TLL1: variants seen among roughly 807,000 people sequenced by gnomAD.
TLL1 encodes tolloid like 1, also known as tolloid-like protein 1.
In TLL1, 49 loss-of-function variants were observed where a neutral mutation model predicts 128.2. The ratio of observed to expected loss-of-function variants is 0.38; its 90% CI spans 0.30 to 0.48. TLL1 has a LOEUF of 0.48. TLL1 is among the 20% of genes least tolerant of loss of function. TLL1 has a pLI of 0.96. For synonymous variants in TLL1, 454 were observed against 418.8 expected (o/e 1.08, Z -1.03); for missense variants, 1,123 against 1,242.0 (o/e 0.90, Z 1.44).
intron 15 of TLL1, among the ~76,000 whole-genome samples, chr4:166,065,272 T>A (rs961551506): frequency 2.0e-5 from 3 of 152,076 alleles, no homozygotes; most frequent in Admixed American, 2.0e-4. Flanking sequence ...AAGCAAATAA[T>A]CTTTTTTATT....
At chr4:166,099,572 C>G (rs924826954) in intron 20 of TLL1, 45 bp downstream of exon 20, 4 of 1,610,206 alleles carry the variant, frequency 2.5e-6, no homozygotes, top group African/African-American at 2.7e-5. Flanking sequence ...ATTAAAGATG[C>G]CTATTGATTC....
intron 14 of TLL1, 31 bp downstream of exon 14, chr4:166,057,340 C>CT (rs767455330): frequency 6.2e-7 from 1 of 1,612,578 alleles, no homozygotes; most frequent in Non-Finnish European, 8.5e-7. Context: ...GGACCCCCAC[C>CT]CCCCACAATT....
intron 1 of TLL1, among the ~76,000 whole-genome samples, chr4:165,880,990 T>A (rs1730944851): frequency 6.6e-6 from 1 of 152,228 alleles, no homozygotes; most frequent in South Asian, 2.1e-4. Flanking sequence ...CACCTTGGCA[T>A]TAGCTCAGTT....
intron 18 of TLL1, 105 bp downstream of exon 18, chr4:166,078,135 A>G: frequency 6.5e-7 from 1 of 1,541,304 alleles, no homozygotes; most frequent in Non-Finnish European, 8.8e-7. Context: ...ATCGAATCGT[A>G]GGCAGCTGGA....
At chr4:166,021,956 G>T (rs1738261102) in intron 8 of TLL1, among the ~76,000 whole-genome samples, 1 of 152,124 alleles carries the variant, frequency 6.6e-6, no homozygotes, top group Non-Finnish European at 1.5e-5. Context: ...TTTGGGCTTG[G>T]CTATGCAGTT....
Position 165,994,378 on chromosome 4 carries a change from C to G in TLL1, c.362-3C>G, listed in dbSNP as rs1736768888. The G allele has an allele frequency of 6.2e-7, 1 of 1,613,826 alleles. No individual in the cohort carries two copies. The highest frequency in any genetic ancestry group is 8.5e-7 in the Non-Finnish European group (1 of 1,179,894). On this transcript the variant is annotated splice_region_variant and splice_polypyrimidine_tract_variant and intron_variant, in intron 3 of 20. Transcript: ENST00000061240. Reference sequence around the variant, plus strand: ...TCACAGAATGTTTTAAATGTCACTGCAGGCTTGGAGCAAAACAACACAGTT... The same window carrying G: ...TCACAGAATGTTTTAAATGTCACTGGAGGCTTGGAGCAAAACAACACAGTT...
intron 7 of TLL1, 107 bp downstream of exon 7, chr4:166,008,155 A>G: frequency 1.3e-6 from 1 of 757,880 alleles, no homozygotes; most frequent in Non-Finnish European, 2.3e-6. Context: ...AAATATTGCT[A>G]CCTCACTGCA....
intron 9 of TLL1, among the ~76,000 whole-genome samples, chr4:166,026,290 G>A (rs768851207): frequency 2.0e-5 from 3 of 152,112 alleles, no homozygotes; most frequent in Non-Finnish European, 4.4e-5. Context: ...TCCGGGGGCT[G>A]AGGCAGGAGA....
At chr4:166,080,834 A>G (rs12642185) in intron 18 of TLL1, among the ~76,000 whole-genome samples, 13,104 of 152,100 alleles carry the variant, frequency 0.086, 842 homozygotes, top group East Asian at 0.35. Flanking sequence ...TGTTTTCTCA[A>G]TGCTTCTATT....
chr4:166,044,283 C>A, intron 12 of TLL1: 1 of 1,209,122 alleles, frequency 8.3e-7, no homozygotes, highest in Non-Finnish European at 1.2e-6. Flanking sequence ...AGCCCTACTA[C>A]CCAGTGGGTA....
chr4:165,955,897 TAAAGAG>T (rs1202983015), intron 1 of TLL1, among the ~76,000 whole-genome samples: 4 of 152,054 alleles, frequency 2.6e-5, no homozygotes, highest in Non-Finnish European at 5.9e-5. Context: ...AGCTGAGAAA[TAAAGAG>T]AAAGGGTACC....
intron 12 of TLL1, chr4:166,044,491 C>A (rs1011061847): frequency 1.7e-5 from 23 of 1,373,950 alleles, no homozygotes; most frequent in Non-Finnish European, 2.3e-5. Flanking sequence ...ATTTAACTTC[C>A]CAGATGTATT....
At chr4:166,035,964 A>G (rs185426535) in intron 9 of TLL1, among the ~76,000 whole-genome samples, 1 of 152,308 alleles carries the variant, frequency 6.6e-6, no homozygotes, top group African/African-American at 2.4e-5. Context: ...TGGAAAGTTT[A>G]CTAGACTTGT....
At chr4:166,057,080 A>G in intron 13 of TLL1, 104 bp from the exon 14 acceptor site, 1 of 1,342,504 alleles carries the variant, frequency 7.4e-7, no homozygotes, top group South Asian at 1.2e-5. Context: ...ATTTTGGGAG[A>G]TATCATTCAA....
At chr4:166,048,980 A>C (rs761643178) in intron 12 of TLL1, among the ~76,000 whole-genome samples, 4 of 152,144 alleles carry the variant, frequency 2.6e-5, no homozygotes, top group Admixed American at 6.6e-5. Context: ...AATCCTTTAA[A>C]TATTTTTTAT....
At chr4:166,025,234 A>C in intron 8 of TLL1, 82 bp from the exon 9 acceptor site, 1 of 1,029,902 alleles carries the variant, frequency 9.7e-7, no homozygotes, top group Non-Finnish European at 1.5e-6. Flanking sequence ...TACTACCAAA[A>C]AAACCCTTCA....
intron 9 of TLL1, among the ~76,000 whole-genome samples, chr4:166,029,724 T>C (rs1421793088): frequency 2.0e-5 from 3 of 152,086 alleles, no homozygotes; most frequent in Non-Finnish European, 2.9e-5. Context: ...TTCCATGAAT[T>C]TGAGAAACTT....
intron 16 of TLL1, among the ~76,000 whole-genome samples, chr4:166,069,863 A>G (rs557884292): frequency 1.3e-4 from 19 of 151,960 alleles, no homozygotes; most frequent in Middle Eastern, 3.4e-3. Flanking sequence ...AATAATTTAT[A>G]AGCTGCTCTA....
chr4:166,003,321 A>C, intron 5 of TLL1, 70 bp from the exon 6 acceptor site: 1 of 1,542,866 alleles, frequency 6.5e-7, no homozygotes. Flanking sequence ...TCTTTACAAA[A>C]AATTCACCAT....
Sources: gnomAD v4.1 joint callset for allele counts (sites outside exome capture counted in the v4.1 genomes callset) on GRCh38, gnomAD v4.1.1 for gene constraint, MANE v1.5 for transcripts, NCBI Gene and HGNC (gene_info 2026-07-23, HGNC 2026-07-21) for gene names.